FRMPD4: variants seen among roughly 807,000 people sequenced by gnomAD.
FRMPD4 encodes FERM and PDZ domain containing 4, also known as FERM and PDZ domain-containing protein 4.
A neutral mutation model predicts 94.1 loss-of-function variants in FRMPD4; 22 were observed. The observed-to-expected ratio is 0.23, with a 90% confidence interval of 0.17 to 0.33. The LOEUF is 0.33. FRMPD4 is among the 10% of genes least tolerant of loss of function. The pLI, the probability that FRMPD4 is intolerant of heterozygous loss-of-function variation, is 1.00. For synonymous variants in FRMPD4, 631 were observed against 548.6 expected (o/e 1.15, Z -2.10); for missense variants, 1,111 against 1,339.9 (o/e 0.83, Z 2.67).
chrX:12,706,128 A>G (rs1000999191), intron 11 of FRMPD4, among the ~76,000 whole-genome samples: 4 of 109,135 alleles, frequency 3.7e-5, no homozygotes, highest in African/African-American at 1.3e-4. Flanking sequence ...GTGATATGGG[A>G]TCCTACATTT....
At chrX:12,276,903 C>T (rs1182874765) in intron 1 of FRMPD4, among the ~76,000 whole-genome samples, 1 of 110,416 alleles carries the variant, frequency 9.1e-6, no homozygotes, top group Non-Finnish European at 1.9e-5. Context: ...GGGCGGATCA[C>T]GAGGTCAGGA....
At chrX:11,955,781 G>C (rs752018918) in intron 3 of FRMPD4, among the ~76,000 whole-genome samples, 1 of 108,000 alleles carries the variant, frequency 9.3e-6, no homozygotes, top group South Asian at 4.0e-4. Flanking sequence ...GAATCAGCCA[G>C]ACATAGGCAG....
intron 2 of FRMPD4, among the ~76,000 whole-genome samples, chrX:12,600,162 A>C (rs2059072315): frequency 9.1e-6 from 1 of 110,181 alleles, no homozygotes; most frequent in South Asian, 3.9e-4. Flanking sequence ...GCAGAAACAT[A>C]TGAAGAGGCA....
intron 3 of FRMPD4, among the ~76,000 whole-genome samples, chrX:11,913,319 C>T (rs557248600): frequency 8.9e-5 from 10 of 112,407 alleles, no homozygotes; most frequent in African/African-American, 2.6e-4. Context: ...CTAAGGTTCT[C>T]CATGCTAACT....
intron 3 of FRMPD4, among the ~76,000 whole-genome samples, chrX:11,909,991 T>C (rs1240093261): frequency 8.9e-6 from 1 of 111,999 alleles, no homozygotes; most frequent in Non-Finnish European, 1.9e-5. Flanking sequence ...CTTGAAAGTA[T>C]GTTCTTGTTT....
At chrX:11,827,534 T>C (rs1248067432) in intron 1 of FRMPD4, among the ~76,000 whole-genome samples, 2 of 111,429 alleles carry the variant, frequency 1.8e-5, no homozygotes, top group Non-Finnish European at 3.8e-5. Context: ...TTGTACCAAG[T>C]AGCAAGACTT....
chrX:12,231,018 A>AT (rs60562591), intron 1 of FRMPD4, among the ~76,000 whole-genome samples: 1 of 46,064 alleles, frequency 2.2e-5, no homozygotes, highest in Non-Finnish European at 4.0e-5. Context: ...TAGTATATAT[A>AT]GTATATATAT....
intron 2 of FRMPD4, among the ~76,000 whole-genome samples, chrX:12,588,354 C>T (rs959641821): frequency 2.7e-5 from 3 of 112,212 alleles, no homozygotes; most frequent in Non-Finnish European, 5.6e-5. Flanking sequence ...AGGATTTCCT[C>T]CCTTTGGGTA....
chrX:12,428,066 T>A (rs1025414670), intron 1 of FRMPD4, among the ~76,000 whole-genome samples: 48 of 109,301 alleles, frequency 4.4e-4, no homozygotes, highest in Admixed American at 1.2e-3. Context: ...CCCGCCACCA[T>A]GCCCAGCTAA....
At chrX:12,093,052 G>A (rs2055168356) in intron 3 of FRMPD4, among the ~76,000 whole-genome samples, 1 of 111,343 alleles carries the variant, frequency 9.0e-6, no homozygotes, top group Non-Finnish European at 1.9e-5. Context: ...CTTGAGGTTG[G>A]AAGATACATG....
At chrX:12,148,755 G>A (rs7888858) in intron 1 of FRMPD4, among the ~76,000 whole-genome samples, 1,151 of 111,905 alleles carry the variant, frequency 0.01, 12 homozygotes, top group African/African-American at 0.035. Flanking sequence ...TGGAGTTAAT[G>A]CAGCTGGCGA....
chrX:12,168,490 AT>A (rs776117148), intron 1 of FRMPD4, among the ~76,000 whole-genome samples: 21 of 111,286 alleles, frequency 1.9e-4, no homozygotes, highest in Admixed American at 7.7e-4. Context: ...AGAAAATATA[AT>A]TTAGGAAGAT....
At chrX:11,871,232 T>C (rs1713152167) in intron 2 of FRMPD4, among the ~76,000 whole-genome samples, 1 of 112,593 alleles carries the variant, frequency 8.9e-6, no homozygotes, top group Non-Finnish European at 1.9e-5. Context: ...TGTTGGTTAA[T>C]GCACTCTGTG....
intron 1 of FRMPD4, among the ~76,000 whole-genome samples, chrX:11,845,248 C>T (rs1335181128): frequency 1.8e-5 from 2 of 111,394 alleles, no homozygotes; most frequent in Non-Finnish European, 3.8e-5. Flanking sequence ...TCTTTCAAAC[C>T]CCAAGTAAAA....
intron 3 of FRMPD4, among the ~76,000 whole-genome samples, chrX:12,092,863 A>G (rs973529632): frequency 4.5e-5 from 5 of 111,891 alleles, no homozygotes; most frequent in African/African-American, 1.6e-4. Context: ...ACTCTGGAGA[A>G]AAATAAATCA....
At chrX:12,625,326 A>C (rs1020920169) in intron 4 of FRMPD4, among the ~76,000 whole-genome samples, 20 of 111,945 alleles carry the variant, frequency 1.8e-4, no homozygotes, top group African/African-American at 6.5e-4. Flanking sequence ...TATCAAAGAG[A>C]TATCTGCACT....
chrX:12,500,781 G>T (rs1029201677), intron 2 of FRMPD4, among the ~76,000 whole-genome samples: 1 of 111,799 alleles, frequency 8.9e-6, no homozygotes, highest in African/African-American at 3.2e-5. Flanking sequence ...CCCTTAGGCT[G>T]CTAGGAAGAC....
At position 11,830,552 on chromosome X, in the gene FRMPD4, A is replaced by G. The variant is rs180854965; in HGVS notation, c.-161+7837A>G. ...TCTGAGTTTGATGTTGCCATTAGAA[A>G]TTTTATCCTAATTTACATCTACTCA... On this transcript the variant is annotated intron_variant, in intron 1 of 18. Transcript: ENST00000640291. Among the ~76,000 whole-genome samples the G allele has an allele frequency of 2.5e-4, 28 of 112,007 alleles. No homozygotes were observed. The Middle Eastern group carries it at 0.014, about 55-fold the overall frequency.
intron 3 of FRMPD4, among the ~76,000 whole-genome samples, chrX:11,923,474 G>A (rs1169826515): frequency 8.9e-6 from 1 of 111,818 alleles, no homozygotes; most frequent in Non-Finnish European, 1.9e-5. Flanking sequence ...TACCCCAGCT[G>A]CATTGCCTCT....
Sources: allele counts gnomAD v4.1 joint callset (sites outside exome capture counted in the v4.1 genomes callset), GRCh38; gene constraint gnomAD v4.1.1; transcripts MANE v1.5; gene names NCBI Gene and HGNC (gene_info 2026-07-23, HGNC 2026-07-21).